Variants in FOCAD observed in about 807,000 individuals in gnomAD.
FOCAD encodes KIAA1797.
In FOCAD, 198 loss-of-function variants were observed where a neutral mutation model predicts 225.6. The observed-to-expected ratio is 0.88, with a 90% confidence interval of 0.78 to 0.99. The LOEUF is 0.99. Ranked by LOEUF, FOCAD falls within the 50% of genes least tolerant of loss-of-function variation. The pLI is 0.00. For missense variants in FOCAD, 2,713 were observed against 2,123.6 expected, an observed-to-expected ratio of 1.28 and a Z score of -5.46; for synonymous variants, 897 against 755.0, an observed-to-expected ratio of 1.19 and a Z score of -3.08.
Position 20,990,348 on chromosome 9 carries a change from G to A in FOCAD, c.5230G>A (p.Glu1744Lys). 2 of 1,613,878 alleles carry A rather than the reference G, an allele frequency of 1.2e-6. No homozygotes were observed. Among genetic ancestry groups the A allele is most frequent in the African/African-American group, 1.3e-5 (1 of 75,046 alleles). ...PNSMALLLQKEPWKEQTQKFI... is the reference protein window; with the variant it reads ...PNSMALLLQKKPWKEQTQKFI... ...TAGCATGGCTCTGCTGCTGCAGAAAGAGCCATGGAAGGAACAGACCCAGAA... is the reference window on the plus strand; with the variant it reads ...TAGCATGGCTCTGCTGCTGCAGAAAAAGCCATGGAAGGAACAGACCCAGAA... The change falls in exon 42 of 44, where the codon GAG becomes AAG. Residue 1744 changes from glutamate to lysine, a missense_variant. Coordinates refer to ENST00000338382, the MANE Select transcript of FOCAD (RefSeq NM_001375567.1).
intron 34 of FOCAD, 145 bp downstream of exon 34, chr9:20,951,243 T>C: frequency 1.5e-6 from 1 of 646,132 alleles, no homozygotes; most frequent in Non-Finnish European, 2.7e-6. Flanking sequence ...GGAAATGGTG[T>C]ATGGAAAGGC....
rs767114171 is a variant in FOCAD, at chr9:20,820,458, A to T, written c.1662+33A>T. 8 of 1,550,584 alleles carry T rather than the reference A, an allele frequency of 5.2e-6. No homozygotes were observed. In the South Asian group the frequency reaches 9.0e-5, roughly 17 times the overall value. On this transcript the variant is annotated intron_variant, in intron 13 of 43. Transcript: ENST00000338382. Reference sequence around the variant, plus strand: ...CAGATATACACTTGCATGAGTATTAAATATGTTCCTTTCACTGAAGGAAAA... The same window carrying T: ...CAGATATACACTTGCATGAGTATTATATATGTTCCTTTCACTGAAGGAAAA...
intron 32 of FOCAD, 73 bp from the exon 33 acceptor site, chr9:20,949,531 C>G (rs535105028): frequency 9.8e-7 from 1 of 1,015,598 alleles, no homozygotes; most frequent in Admixed American, 1.9e-5. Flanking sequence ...ATGGATAGCT[C>G]ATGCACCGGG....
At chr9:20,955,582 A>G (rs1838063013) in intron 35 of FOCAD, among the ~76,000 whole-genome samples, 1 of 149,236 alleles carries the variant, frequency 6.7e-6, no homozygotes, top group Non-Finnish European at 1.5e-5. Context: ...TAGCCCTGGA[A>G]TTCCTCTATC....
intron 2 of FOCAD, among the ~76,000 whole-genome samples, chr9:20,662,975 C>G (rs138842990): frequency 0.012 from 1,867 of 152,200 alleles, 38 homozygotes; most frequent in African/African-American, 0.042. Context: ...TCAATATAAC[C>G]TTTTAAAGTT....
chr9:20,984,801 T>C lies in FOCAD; in HGVS notation c.4729-1487T>C, dbSNP rs138035673. On this transcript the variant is annotated intron_variant, in intron 39 of 43. Transcript: ENST00000338382. ...AAACTCAACAACTTGTAGTTCCTTT[T>C]TTAAAAAAAATATTTTTTAGACTGA... Among the ~76,000 whole-genome samples, 1,185 of 152,276 alleles carry C rather than the reference T, an allele frequency of 7.8e-3. 14 individuals carry two copies. Among genetic ancestry groups the C allele is most frequent in the African/African-American group, 0.028 (1,150 of 41,548 alleles).
intron 9 of FOCAD, among the ~76,000 whole-genome samples, chr9:20,780,399 G>C (rs1309464337): frequency 1.3e-5 from 2 of 152,180 alleles, no homozygotes; most frequent in Non-Finnish European, 2.9e-5. Context: ...AGATAATACA[G>C]TATCAAACAG....
In FOCAD at chr9:20,982,716, G is replaced by A. The variant is rs1587781772; in HGVS notation, c.4728+270G>A. On this transcript the variant is annotated intron_variant, in intron 39 of 43. Coordinates refer to ENST00000338382, the MANE Select transcript of FOCAD (RefSeq NM_001375567.1). ...GTCCTTCACCTGATCCTATCCTTAG[G>A]AATGAAGAAGGTGGTTGATTGAAAA... Among the ~76,000 whole-genome samples the A allele has an allele frequency of 2.6e-5, 4 of 152,260 alleles. No individual in the cohort carries two copies. The East Asian group carries it at 7.7e-4, about 29-fold the overall frequency.
intron 21 of FOCAD, among the ~76,000 whole-genome samples, chr9:20,897,406 G>A (rs1832182979): frequency 6.7e-6 from 1 of 149,388 alleles, no homozygotes; most frequent in African/African-American, 2.5e-5. Flanking sequence ...TTCTATATTT[G>A]TTACTGTTTT....
At chr9:20,741,488 G>C (rs1179037672) in intron 5 of FOCAD, among the ~76,000 whole-genome samples, 1 of 151,842 alleles carries the variant, frequency 6.6e-6, no homozygotes, top group Non-Finnish European at 1.5e-5. Context: ...TTTAAACAAA[G>C]TCATATTTGC....
intron 1 of FOCAD, among the ~76,000 whole-genome samples, chr9:20,701,281 G>A (rs1196146272): frequency 6.6e-6 from 1 of 152,150 alleles, no homozygotes; most frequent in Non-Finnish European, 1.5e-5. Flanking sequence ...TTCTTCCTGA[G>A]CGTTCCAATA....
intron 27 of FOCAD, among the ~76,000 whole-genome samples, chr9:20,931,902 C>CAA (rs11343467): frequency 2.5e-5 from 3 of 120,608 alleles, no homozygotes; most frequent in African/African-American, 6.2e-5. Flanking sequence ...GACTCTATCT[C>CAA]AAAAAAAAAA....
intron 26 of FOCAD, among the ~76,000 whole-genome samples, chr9:20,927,384 A>G (rs534268838): frequency 1.1e-3 from 164 of 152,132 alleles, no homozygotes; most frequent in Non-Finnish European, 1.7e-3. Context: ...CATCATTCTT[A>G]TTTTTCTTAT....
intron 39 of FOCAD, among the ~76,000 whole-genome samples, chr9:20,984,303 A>G (rs1286062381): frequency 1.3e-5 from 2 of 152,172 alleles, no homozygotes; most frequent in Non-Finnish European, 2.9e-5. Flanking sequence ...ACTGCAGAGA[A>G]TTGGTGTGAG....
intron 31 of FOCAD, 64 bp downstream of exon 31, chr9:20,948,457 A>G: frequency 6.4e-7 from 1 of 1,561,700 alleles, no homozygotes. Flanking sequence ...ACTTTATTGG[A>G]TCATTTATAG....
chr9:20,965,863 C>T (rs1469049000), intron 35 of FOCAD, among the ~76,000 whole-genome samples: 2 of 152,114 alleles, frequency 1.3e-5, no homozygotes, highest in African/African-American at 4.8e-5. Context: ...AGTATCAGTA[C>T]TTCATTCATT....
chr9:20,915,693 T>C (rs1462498323), intron 23 of FOCAD, among the ~76,000 whole-genome samples: 1 of 152,130 alleles, frequency 6.6e-6, no homozygotes, highest in Non-Finnish European at 1.5e-5. Context: ...CTGGTGGGCT[T>C]GTTCTGCTTT....
intron 10 of FOCAD, among the ~76,000 whole-genome samples, chr9:20,783,524 C>T (rs1036426621): frequency 5.9e-5 from 9 of 152,060 alleles, no homozygotes; most frequent in Middle Eastern, 3.4e-3. Context: ...AACTATTCAT[C>T]CTTCAAGACT....
chr9:20,947,409 C>T (rs1265525419), intron 30 of FOCAD, among the ~76,000 whole-genome samples: 1 of 152,104 alleles, frequency 6.6e-6, no homozygotes, highest in African/African-American at 2.4e-5. Flanking sequence ...AAAGCAAACA[C>T]TGTGTGCTTT....
Sources: allele counts gnomAD v4.1 joint callset (sites outside exome capture counted in the v4.1 genomes callset), GRCh38; gene constraint gnomAD v4.1.1; transcripts MANE v1.5; gene names NCBI Gene and HGNC (gene_info 2026-07-23, HGNC 2026-07-21).